PHACTR1: variants seen among roughly 807,000 people sequenced by gnomAD.
PHACTR1 encodes phosphatase and actin regulator 1, also known as RPEL repeat containing 1.
PHACTR1 carries 16 observed loss-of-function variants against 69.2 expected under a neutral mutation model. The observed-to-expected ratio is 0.23, with a 90% CI of 0.16 to 0.35. The LOEUF (loss-of-function observed/expected upper bound fraction) is 0.35. Ranked by LOEUF, PHACTR1 falls within the 10% of genes least tolerant of loss-of-function variation. The pLI is 1.00. For synonymous variants in PHACTR1, 312 were observed against 284.5 expected, an observed-to-expected ratio of 1.10 and a Z score of -0.97; for missense variants, 510 against 734.7, an observed-to-expected ratio of 0.69 and a Z score of 3.54.
chr6:13,281,969 G>A (rs950648462), intron 12 of PHACTR1, among the ~76,000 whole-genome samples: 2 of 152,250 alleles, frequency 1.3e-5, no homozygotes, highest in Admixed American at 1.3e-4. Flanking sequence ...CTGAGAGGGA[G>A]CTGTAGGCCT....
intron 4 of PHACTR1, among the ~76,000 whole-genome samples, chr6:12,892,447 G>A (rs1435442712): frequency 6.6e-6 from 1 of 152,202 alleles, no homozygotes; most frequent in African/African-American, 2.4e-5. Context: ...TCAGAGGGAA[G>A]TGATGAAACA....
chr6:13,180,571 C>G (rs1430031526), intron 6 of PHACTR1, among the ~76,000 whole-genome samples: 1 of 152,174 alleles, frequency 6.6e-6, no homozygotes, highest in Non-Finnish European at 1.5e-5. Flanking sequence ...CCCAAAGAAG[C>G]AGAACTTGGC....
chr6:13,217,267 C>T lies in PHACTR1; in HGVS notation c.987-10549C>T, dbSNP rs540313432. Among the ~76,000 whole-genome samples the T allele has an allele frequency of 1.4e-4, 22 of 152,304 alleles. No homozygotes were observed. The South Asian group carries it at 4.3e-3, about 30-fold the overall frequency. The stretch of plus-strand genomic sequence containing the variant: ...GCCTGGGAGGTGGGCACCTAGGTTT[C>T]TCCATTTAACTGATGAAGAGCCAAA... On this transcript the variant is annotated intron_variant, in intron 8 of 14. Coordinates refer to ENST00000332995, the MANE Select transcript of PHACTR1 (RefSeq NM_030948.6).
At chr6:13,218,774 A>AAAG (rs1216524191) in intron 8 of PHACTR1, among the ~76,000 whole-genome samples, 6 of 150,496 alleles carry the variant, frequency 4.0e-5, no homozygotes, top group African/African-American at 7.4e-5. Flanking sequence ...AGCTATTTAA[A>AAAG]AAGAAGAAGA....
chr6:13,080,209 A>T lies in PHACTR1; in HGVS notation c.415+26680A>T, dbSNP rs1811153842. Among the ~76,000 whole-genome samples the T allele has an allele frequency of 7.9e-5, 12 of 152,172 alleles. 1 individual carries two copies. The South Asian group carries it at 2.5e-3, about 32-fold the overall frequency. On this transcript the variant is annotated intron_variant, in intron 5 of 14. Transcript: ENST00000332995. ...TGACCCCTGACCCCCACCCAGCACAACTATCCTGACTTAGAAGATTTGAAT... is the reference window on the plus strand; with the variant it reads ...TGACCCCTGACCCCCACCCAGCACATCTATCCTGACTTAGAAGATTTGAAT...
chr6:13,005,457 G>C (rs1798674697), intron 4 of PHACTR1, among the ~76,000 whole-genome samples: 1 of 152,022 alleles, frequency 6.6e-6, no homozygotes, highest in South Asian at 2.1e-4. Context: ...GATTCTTGCA[G>C]ACAACATTGC....
At chr6:13,016,103 G>A (rs1328783010) in intron 4 of PHACTR1, among the ~76,000 whole-genome samples, 1 of 152,222 alleles carries the variant, frequency 6.6e-6, no homozygotes, top group Non-Finnish European at 1.5e-5. Flanking sequence ...GCCCTCCCAT[G>A]ATAGTCTGTA....
intron 3 of PHACTR1, among the ~76,000 whole-genome samples, chr6:12,723,114 T>C (rs1762332126): frequency 6.6e-6 from 1 of 152,130 alleles, no homozygotes; most frequent in Non-Finnish European, 1.5e-5. Context: ...AAATGGACAT[T>C]ATAGGCCAGG....
chr6:13,064,718 G>A (rs905048350), intron 5 of PHACTR1, among the ~76,000 whole-genome samples: 6 of 148,492 alleles, frequency 4.0e-5, no homozygotes, highest in Admixed American at 6.7e-5. Context: ...ATGAGGAGAC[G>A]TCTCATGAAG....
chr6:12,924,441 T>C (rs1167939361), intron 4 of PHACTR1, among the ~76,000 whole-genome samples: 1 of 152,162 alleles, frequency 6.6e-6, no homozygotes, highest in Non-Finnish European at 1.5e-5. Context: ...ATGCACTAAT[T>C]TCCATGAACT....
chr6:13,062,721 A>T (rs915557892), intron 5 of PHACTR1, among the ~76,000 whole-genome samples: 3 of 152,148 alleles, frequency 2.0e-5, no homozygotes, highest in African/African-American at 7.2e-5. Context: ...TACATTTGCA[A>T]TTCTTGGAGT....
intron 4 of PHACTR1, among the ~76,000 whole-genome samples, chr6:12,811,450 G>A (rs1775000418): frequency 6.6e-6 from 1 of 152,124 alleles, no homozygotes; most frequent in Non-Finnish European, 1.5e-5. Context: ...TTTTCTTACT[G>A]GAAATGCTAT....
intron 4 of PHACTR1, among the ~76,000 whole-genome samples, chr6:12,897,721 T>C (rs557777850): frequency 2.5e-3 from 383 of 151,114 alleles, no homozygotes; most frequent in African/African-American, 8.7e-3. Context: ...TTATTATTAT[T>C]ATTATTATTA....
chr6:13,050,917 T>C (rs1383179419), intron 4 of PHACTR1, among the ~76,000 whole-genome samples: 2 of 152,192 alleles, frequency 1.3e-5, no homozygotes, highest in African/African-American at 4.8e-5. Context: ...CCCACCTGGC[T>C]GAATCCCATC....
chr6:12,813,406 G>A (rs1218580623), intron 4 of PHACTR1, among the ~76,000 whole-genome samples: 1 of 152,166 alleles, frequency 6.6e-6, no homozygotes, highest in Non-Finnish European at 1.5e-5. Context: ...TTTCTAGGCT[G>A]AGCGGGCAGA....
intron 4 of PHACTR1, among the ~76,000 whole-genome samples, chr6:12,773,565 A>G (rs886895979): frequency 8.5e-5 from 13 of 152,192 alleles, no homozygotes; most frequent in African/African-American, 1.7e-4. Flanking sequence ...ACTATCCCCA[A>G]TAATCATATG....
chr6:12,730,524 T>C (rs1237775973), intron 3 of PHACTR1, among the ~76,000 whole-genome samples: 1 of 151,186 alleles, frequency 6.6e-6, no homozygotes, highest in Non-Finnish European at 1.5e-5. Flanking sequence ...TATATAACTA[T>C]AGCTTGTTCT....
intron 10 of PHACTR1, among the ~76,000 whole-genome samples, chr6:13,254,301 G>T (rs968324720): frequency 6.6e-6 from 1 of 152,158 alleles, no homozygotes; most frequent in Non-Finnish European, 1.5e-5. Flanking sequence ...GAGGTAATTT[G>T]CAAACATTAG....
intron 12 of PHACTR1, among the ~76,000 whole-genome samples, chr6:13,281,856 T>C (rs1780326003): frequency 6.6e-6 from 1 of 152,184 alleles, no homozygotes; most frequent in Non-Finnish European, 1.5e-5. Context: ...GCCAGAATGT[T>C]GTCGTGCCTA....
Sources: allele counts gnomAD v4.1 joint callset (sites outside exome capture counted in the v4.1 genomes callset), GRCh38; gene constraint gnomAD v4.1.1; transcripts MANE v1.5; gene names NCBI Gene and HGNC (gene_info 2026-07-23, HGNC 2026-07-21).